The following KDM5A variants were observed in gnomAD, a reference collection of about 807,000 sequenced individuals.
KDM5A encodes lysine-specific demethylase 5A.
In KDM5A, 42 loss-of-function variants were observed where a neutral mutation model predicts 193.5. The observed-to-expected ratio is 0.22, with a 90% confidence interval of 0.17 to 0.28. KDM5A has a LOEUF of 0.28. KDM5A is among the 10% of genes least tolerant of loss of function. KDM5A has a pLI of 1.00. For synonymous variants in KDM5A, 796 were observed against 718.1 expected (o/e 1.11, Z -1.73); for missense variants, 1,692 against 2,055.1 (o/e 0.82, Z 3.42).
intron 8 of KDM5A, 93 bp downstream of exon 8, chr12:353,983 G>T: frequency 1.0e-6 from 1 of 977,656 alleles, no homozygotes; most frequent in South Asian, 1.4e-5. Flanking sequence ...AATGACAAAA[G>T]GAAACATATT....
chr12:388,840 G>C (rs1944684691), intron 1 of KDM5A, 87 bp downstream of exon 1: 6 of 1,455,898 alleles, frequency 4.1e-6, no homozygotes, highest in African/African-American at 1.4e-5. Context: ...TATGAAACGA[G>C]ACAAGGATCA....
chr12:307,829 A>C lies in KDM5A; in HGVS notation c.3555T>G (p.His1185Gln). 1 of 1,614,174 alleles carries C rather than the reference A, an allele frequency of 6.2e-7. No homozygotes were observed. Among genetic ancestry groups the C allele is most frequent in the Non-Finnish European group, 8.5e-7 (1 of 1,180,030 alleles). The change falls in exon 23 of 28, where the codon CAT (histidine) becomes CAG (glutamine). Residue 1185 changes from histidine (H) to glutamine (Q), a missense_variant. Coordinates refer to ENST00000399788, the MANE Select transcript of KDM5A (RefSeq NM_001042603.3). The surrounding 1 kb of genome is among the most constrained non-coding windows in gnomAD (Gnocchi z 4.3). ...LQCELCKDWFHNSCVPLPKSS... is the reference protein window; with the variant it reads ...LQCELCKDWFQNSCVPLPKSS... ...ATTTAGGAAGAGGAACACAGCTGTT[A>C]TGGAACCAGTCTTTGCAGAGCTCAC...
At chr12:312,871 G>A (rs911324795) in intron 20 of KDM5A, among the ~76,000 whole-genome samples, 185 bp downstream of exon 20, 1 of 152,108 alleles carries the variant, frequency 6.6e-6, no homozygotes, top group African/African-American at 2.4e-5. Flanking sequence ...TTCAAATTTC[G>A]AAACACAGTT....
chr12:284,739 C>T lies in KDM5A; in HGVS notation c.*717G>A, dbSNP rs1017242745. The T allele has an allele frequency of 2.1e-5, 5 of 232,936 alleles. No homozygotes were observed. The highest frequency in any genetic ancestry group is 3.4e-5 in the Non-Finnish European group (4 of 117,812). 14.4% of individuals were successfully genotyped at this position (232,936 alleles called of 1,614,324 possible). The stretch of plus-strand genomic sequence containing the variant: ...TCAAAGCCAAAAAACGGCTCCTTGC[C>T]TTGTAGTAGGTTCTTCTCCTCAGAA... On this transcript the variant is annotated 3_prime_UTR_variant, in exon 28 of 28. Transcript: ENST00000399788.
chr12:331,766 A>G (rs1430139569), intron 13 of KDM5A, 53 bp downstream of exon 13: 2 of 1,609,412 alleles, frequency 1.2e-6, no homozygotes, highest in Non-Finnish European at 1.7e-6. Context: ...AAGCTGCTTT[A>G]TATTTATAGG....
rs888109231 is a variant in KDM5A, at chr12:282,834, T to C, written c.*2622A>G. The C allele has an allele frequency of 8.6e-6, 2 of 232,466 alleles. No individual in the cohort carries two copies. The highest frequency in any genetic ancestry group is 2.2e-5 in the African/African-American group (1 of 45,304). 14.4% of individuals were successfully genotyped at this position (232,466 alleles called of 1,614,324 possible). A position where few individuals can be genotyped will look rare whatever the true frequency, so the allele number is the denominator to read the frequency against. On this transcript the variant is annotated 3_prime_UTR_variant, in exon 28 of 28. Transcript: ENST00000399788. ...TCTAAGTGAAAATAATGCTTTGTAT[T>C]AGAACACCAACATTTCTTTAAATAG...
intron 3 of KDM5A, among the ~76,000 whole-genome samples, chr12:372,258 G>A (rs371634976): frequency 3.3e-5 from 5 of 152,080 alleles, no homozygotes; most frequent in Admixed American, 2.6e-4. Flanking sequence ...ATTTGTTTGT[G>A]TCCTCTTTTA....
intron 2 of KDM5A, 89 bp downstream of exon 2, chr12:385,808 C>T (rs2137501833): frequency 1.1e-6 from 1 of 922,960 alleles, no homozygotes; most frequent in South Asian, 1.3e-5. Context: ...AAACTCTAGG[C>T]TGTGGTACAT....
intron 24 of KDM5A, among the ~76,000 whole-genome samples, chr12:300,144 G>A (rs1943424200): frequency 6.6e-6 from 1 of 151,878 alleles, no homozygotes; most frequent in South Asian, 2.1e-4. Context: ...AATTAACAAG[G>A]ATATCCAGGA....
At position 383,115 on chromosome 12, in the gene KDM5A, C is replaced by T. The variant is rs1471876431; in HGVS notation, c.366+916G>A. The stretch of plus-strand genomic sequence containing the variant: ...TGGTCATCCTACTGAATAATGATGG[C>T]CTCAGTCAGCCATTAACACTACATA... On this transcript the variant is annotated intron_variant, in intron 3 of 27. Coordinates refer to ENST00000399788, the MANE Select transcript of KDM5A (RefSeq NM_001042603.3). 2.0e-5 allele frequency among the ~76,000 whole-genome samples: 3 copies of T among 151,932 alleles called. 1 individual carries two copies. Among genetic ancestry groups the T allele is most frequent in the Admixed American group, 1.3e-4 (2 of 15,254 alleles).
At chr12:297,358 T>A (rs200421844) in intron 24 of KDM5A, among the ~76,000 whole-genome samples, 158 bp from the exon 25 acceptor site, 1 of 152,184 alleles carries the variant, frequency 6.6e-6, no homozygotes, top group African/African-American at 2.4e-5. Context: ...AAAATGTCCA[T>A]TGGGGAGAAA....
chr12:302,330 G>A (rs573564489), intron 24 of KDM5A, among the ~76,000 whole-genome samples: 1 of 152,158 alleles, frequency 6.6e-6, no homozygotes, highest in Non-Finnish European at 1.5e-5. Flanking sequence ...CAGATATACA[G>A]ACCAATAGAA....
In KDM5A at chr12:322,408, T is replaced by C; in HGVS notation, c.2426+9A>G. On this transcript the variant is annotated intron_variant, in intron 17 of 27. Coordinates refer to ENST00000399788, the MANE Select transcript of KDM5A (RefSeq NM_001042603.3). Reference sequence around the variant, plus strand: ...AAACACTGGAGAATTAAACTCTTCTTAGGTTTACCTGTGTTTCTGCTTTTT... The same window carrying C: ...AAACACTGGAGAATTAAACTCTTCTCAGGTTTACCTGTGTTTCTGCTTTTT... 1 of 1,610,376 alleles carries C rather than the reference T, an allele frequency of 6.2e-7. No homozygotes were observed. The highest frequency in any genetic ancestry group is 1.3e-5 in the African/African-American group (1 of 75,046).
rs192510539 is a variant in KDM5A at position 387,860 on chromosome 12, T to C, written c.165+1067A>G. 3.9e-5 allele frequency among the ~76,000 whole-genome samples: 6 copies of C among 152,342 alleles called. No individual in the cohort carries two copies. The East Asian group carries it at 1.2e-3, about 29-fold the overall frequency. ...TGCCTATCTCTGTGGTAGTCAGTGG[T>C]GACGGCAGATGCTTTTTAAAAAGCA... is the stretch of plus-strand genomic sequence containing the variant. On this transcript the variant is annotated intron_variant, in intron 1 of 27. Coordinates refer to ENST00000399788, the MANE Select transcript of KDM5A (RefSeq NM_001042603.3).
In KDM5A at chr12:281,387, C is replaced by G. The variant is rs1257657614; in HGVS notation, c.*4069G>C. On this transcript the variant is annotated 3_prime_UTR_variant, in exon 28 of 28. Transcript: ENST00000399788. Reference sequence around the variant, plus strand: ...TAACCCATCATATCCTTGCCCAGTGCACATCATTTGTTGCATAGTGGTGAC... The same window carrying G: ...TAACCCATCATATCCTTGCCCAGTGGACATCATTTGTTGCATAGTGGTGAC... 1 of 233,052 alleles carries G rather than the reference C, an allele frequency of 4.3e-6. No individual in the cohort carries two copies. The highest frequency in any genetic ancestry group is 8.5e-6 in the Non-Finnish European group (1 of 118,016). The allele number at this position is 233,052 out of a possible 1,614,324, so 14.4% of individuals were successfully genotyped here.
chr12:306,875 A>T (rs2137386180), intron 24 of KDM5A, 71 bp downstream of exon 24: 1 of 1,355,362 alleles, frequency 7.4e-7, no homozygotes, highest in Non-Finnish European at 1.1e-6. Flanking sequence ...ATCACTGTTC[A>T]ATAGCTTTTT....
chr12:337,648 T>C (rs1394661329), intron 10 of KDM5A, among the ~76,000 whole-genome samples: 1 of 131,434 alleles, frequency 7.6e-6, no homozygotes, highest in Admixed American at 7.2e-5. Flanking sequence ...TTTCTAAACT[T>C]TTTTTTTTTT....
At position 323,210 on chromosome 12, in the gene KDM5A, C is replaced by CAAAAAAAAAAAAAA. The variant is rs60377454; in HGVS notation, c.2151-18_2151-5dup. The stretch of plus-strand genomic sequence containing the variant: ...GTCTTCTAATGGGTAGCGATATCTA[C>CAAAAAAAAAAAAAA]AAAAAAAAAAAAAAAAAAAAAAAAA... On this transcript the variant is annotated splice_region_variant and splice_polypyrimidine_tract_variant and intron_variant, in intron 15 of 27. Transcript: ENST00000399788. 4.0e-3 allele frequency: 1,187 copies of CAAAAAAAAAAAAAA among 296,948 alleles called. 3 individuals are homozygous for CAAAAAAAAAAAAAA. The highest frequency in any genetic ancestry group is 7.3e-3 in the Admixed American group (58 of 7,920). 18.4% of individuals were successfully genotyped at this position (296,948 alleles called of 1,614,324 possible). A position where few individuals can be genotyped will look rare whatever the true frequency, so the allele number is the denominator to read the frequency against.
In KDM5A at chr12:289,911, T is replaced by C. The variant is rs865820776; in HGVS notation, c.4866+2848A>G. ...AGCATGATTTTTTCTTTCTTTCTTT[T>C]TTTTTTTTTTTTTTTTTTTACATCA... On this transcript the variant is annotated intron_variant, in intron 27 of 27. Transcript: ENST00000399788. Among the ~76,000 whole-genome samples, 274 of 102,826 alleles carry C rather than the reference T, an allele frequency of 2.7e-3. 1 individual carries two copies. The highest frequency in any genetic ancestry group is 0.024 in the Middle Eastern group (5 of 212). 67.5% of individuals were successfully genotyped at this position (102,826 alleles called of 152,430 possible). A position where few individuals can be genotyped will look rare whatever the true frequency, so the allele number is the denominator to read the frequency against.
Sources: allele counts gnomAD v4.1 joint callset (sites outside exome capture counted in the v4.1 genomes callset), GRCh38; gene constraint gnomAD v4.1.1; non-coding constraint Gnocchi (gnomAD v3.1); transcripts MANE v1.5; gene names NCBI Gene and HGNC (gene_info 2026-07-23, HGNC 2026-07-21).